The following RBM26 variants were observed in gnomAD, a reference collection of about 807,000 sequenced individuals.
RBM26 encodes the protein RNA-binding protein 26.
In RBM26, 30 loss-of-function variants were observed where a neutral mutation model predicts 123.6. The ratio of observed to expected loss-of-function variants is 0.24; its 90% CI spans 0.18 to 0.33. RBM26 has a LOEUF of 0.33. Ranked by LOEUF, RBM26 falls within the 10% of genes least tolerant of loss-of-function variation. RBM26 has a pLI of 1.00. For missense variants in RBM26, 947 were observed against 1,203.6 expected (o/e 0.79, Z 3.15); for synonymous variants, 400 against 404.4 (o/e 0.99, Z 0.13).
Position 79,319,226 on chromosome 13 carries a change from T to C in RBM26, c.*1395A>G. The C allele has an allele frequency of 1.0e-6, 1 of 984,426 alleles. No homozygotes were observed. The highest frequency in any genetic ancestry group is 5.2e-4 in the Middle Eastern group (1 of 1,914). The allele number at this position is 984,426 out of a possible 1,614,324, so 61.0% of individuals were successfully genotyped here. A position where few individuals can be genotyped will look rare whatever the true frequency, so the allele number is the denominator to read the frequency against. On this transcript the variant is annotated 3_prime_UTR_variant, in exon 22 of 22. Coordinates refer to ENST00000438737, the MANE Select transcript of RBM26 (RefSeq NM_001366735.2). ...TGGTGGTGGAACAACAGCTTTTGAT[T>C]GTGAGGACCCCAATATGGAAGAAAG...
intron 20 of RBM26, among the ~76,000 whole-genome samples, chr13:79,328,715 C>CAAAAA: frequency 8.0e-6 from 1 of 125,052 alleles, no homozygotes; most frequent in Non-Finnish European, 1.7e-5. Context: ...AAAGACTACT[C>CAAAAA]AGCAAAATAA....
intron 20 of RBM26, among the ~76,000 whole-genome samples, chr13:79,329,507 G>T (rs2138671316): frequency 6.6e-6 from 1 of 152,030 alleles, no homozygotes; most frequent in East Asian, 1.9e-4. Flanking sequence ...TCAATTCCAG[G>T]TCTGGAAGAG....
At chr13:79,401,755 CTAT>C (rs1461091895) in intron 1 of RBM26, among the ~76,000 whole-genome samples, 3 of 152,166 alleles carry the variant, frequency 2.0e-5, no homozygotes, top group African/African-American at 7.2e-5. Context: ...GTAATTCTTC[CTAT>C]TATACCAATA....
chr13:79,360,036 T>A (rs1413821964), intron 9 of RBM26, among the ~76,000 whole-genome samples: 1 of 152,154 alleles, frequency 6.6e-6, no homozygotes, highest in Admixed American at 6.5e-5. Context: ...CATTTTATCA[T>A]CCCCTATCAT....
intron 3 of RBM26, among the ~76,000 whole-genome samples, chr13:79,375,059 ATT>A (rs1028864841): frequency 7.0e-6 from 1 of 143,390 alleles, no homozygotes; most frequent in Non-Finnish European, 1.5e-5. Context: ...ATATATTTAT[ATT>A]TTTATATATT....
At chr13:79,318,845 G>GT, downstream of RBM26, 1 of 976,532 alleles carries the variant, frequency 1.0e-6, no homozygotes, top group Non-Finnish European at 1.2e-6. Context: ...GAGAAGAAAC[G>GT]TGAGCCTCTG....
chr13:79,333,543 C>T (rs1156976594), intron 20 of RBM26, among the ~76,000 whole-genome samples: 1 of 152,178 alleles, frequency 6.6e-6, no homozygotes, highest in East Asian at 1.9e-4. Context: ...TGAAAAGCAT[C>T]TCACTCTTTC....
chr13:79,373,377 T>G (rs1280347530), intron 3 of RBM26, among the ~76,000 whole-genome samples: 1 of 99,690 alleles, frequency 1.0e-5, no homozygotes, highest in Non-Finnish European at 1.8e-5. Context: ...ATAATATATA[T>G]TATATATAAA....
intron 9 of RBM26, among the ~76,000 whole-genome samples, chr13:79,362,700 C>A (rs2074843325): frequency 6.6e-6 from 1 of 152,132 alleles, no homozygotes; most frequent in Non-Finnish European, 1.5e-5. Context: ...TGTGACCTAT[C>A]CAACATCTTT....
At chr13:79,318,110 GTA>G (rs1174472603), downstream of RBM26, among the ~76,000 whole-genome samples, 1 of 151,418 alleles carries the variant, frequency 6.6e-6, no homozygotes, top group Non-Finnish European at 1.5e-5. Flanking sequence ...AAAAGGGAGG[GTA>G]TAAGTATGAA....
Position 79,344,809 on chromosome 13 carries a change from T to G in RBM26, c.2059-15A>C. The stretch of plus-strand genomic sequence containing the variant: ...GTAGACAACACCTACCAATACAAAT[T>G]CAACTTTTAAAAATATATATCAGCC... On this transcript the variant is annotated splice_polypyrimidine_tract_variant and intron_variant, in intron 14 of 21. Transcript: ENST00000438737. The G allele has an allele frequency of 6.2e-7, 1 of 1,606,546 alleles. No individual in the cohort carries two copies. The highest frequency in any genetic ancestry group is 8.5e-7 in the Non-Finnish European group (1 of 1,177,432).
At chr13:79,371,404 G>C (rs2075861623) in intron 4 of RBM26, among the ~76,000 whole-genome samples, 1 of 152,108 alleles carries the variant, frequency 6.6e-6, no homozygotes, top group Non-Finnish European at 1.5e-5. Flanking sequence ...GGCATCTGTA[G>C]ATAAAGGCAT....
intron 11 of RBM26, among the ~76,000 whole-genome samples, chr13:79,357,171 C>A (rs1374146466): frequency 6.6e-6 from 1 of 152,120 alleles, no homozygotes; most frequent in African/African-American, 2.4e-5. Context: ...TGAAAGGGAA[C>A]CATTTCCTTT....
At position 79,334,447 on chromosome 13, in the gene RBM26, A is replaced by C; in HGVS notation, c.2734-17T>G. ...ACCATATTGCTTTAAATTAAAAAAA[A>C]AGTATTTCCTCCAAATAAATATTTT... On this transcript the variant is annotated splice_polypyrimidine_tract_variant and intron_variant, in intron 19 of 21. Transcript: ENST00000438737. 1 of 1,366,976 alleles carries C rather than the reference A, an allele frequency of 7.3e-7. No homozygotes were observed. The highest frequency in any genetic ancestry group is 1.3e-5 in the South Asian group (1 of 75,230). 84.7% of individuals were successfully genotyped at this position (1,366,976 alleles called of 1,614,324 possible).
chr13:79,341,064 G>T lies in RBM26; in HGVS notation c.2532+59C>A. 4 of 910,896 alleles carry T rather than the reference G, an allele frequency of 4.4e-6. No individual in the cohort carries two copies. The South Asian group carries it at 4.6e-5, about 10-fold the overall frequency. The allele number at this position is 910,896 out of a possible 1,614,324, so 56.4% of individuals were successfully genotyped here. On this transcript the variant is annotated intron_variant, in intron 18 of 21. Coordinates refer to ENST00000438737, the MANE Select transcript of RBM26 (RefSeq NM_001366735.2). ...AGGGAAGGGAATATATTTTTAAATT[G>T]ACCACTACAACTACATTTGCTTCTT...
At chr13:79,367,432 A>AAAAAAAAAAAT (rs1566476253) in intron 6 of RBM26, among the ~76,000 whole-genome samples, 2 of 42,730 alleles carry the variant, frequency 4.7e-5, no homozygotes, top group Non-Finnish European at 1.1e-4. Flanking sequence ...AAAAAAAAAA[A>AAAAAAAAAAAT]GAAGAAGAAG....
chr13:79,386,987 T>C (rs2077551983), intron 1 of RBM26, among the ~76,000 whole-genome samples: 1 of 152,210 alleles, frequency 6.6e-6, no homozygotes, highest in South Asian at 2.1e-4. Flanking sequence ...GTCTGGCTAA[T>C]GCTGTGTGGT....
intron 1 of RBM26, among the ~76,000 whole-genome samples, chr13:79,395,956 A>G (rs533378661): frequency 2.0e-5 from 3 of 152,312 alleles, no homozygotes; most frequent in Admixed American, 2.0e-4. Flanking sequence ...AACTTTCCAA[A>G]ACCGATGAAA....
chr13:79,363,209 A>C (rs2074903433), intron 9 of RBM26, among the ~76,000 whole-genome samples: 1 of 152,218 alleles, frequency 6.6e-6, no homozygotes, highest in African/African-American at 2.4e-5. Context: ...TAAAGCAGTA[A>C]GCATAAAAGT....
Sources: gnomAD v4.1 joint callset for allele counts (sites outside exome capture counted in the v4.1 genomes callset) on GRCh38, gnomAD v4.1.1 for gene constraint, MANE v1.5 for transcripts, NCBI Gene and HGNC (gene_info 2026-07-23, HGNC 2026-07-21) for gene names.